RNF115: variants seen among roughly 807,000 people sequenced by gnomAD.
RNF115 encodes the protein E3 ubiquitin-protein ligase RNF115.
In RNF115, 31 loss-of-function variants were observed where a neutral mutation model predicts 39.2. The observed-to-expected ratio is 0.79, with a 90% confidence interval of 0.59 to 1.07. The LOEUF (loss-of-function observed/expected upper bound fraction) is 1.07. RNF115 is among the 50% of genes least tolerant of loss of function. RNF115 has a pLI of 0.00. For missense variants in RNF115, 384 were observed against 381.7 expected (o/e 1.01, Z -0.05); for synonymous variants, 124 against 131.0 (o/e 0.95, Z 0.37).
chr1:145,821,496 G>A (rs1416925463), intron 1 of RNF115, among the ~76,000 whole-genome samples: 1 of 85,760 alleles, frequency 1.2e-5, no homozygotes, highest in African/African-American at 3.4e-5. Flanking sequence ...ACAGGGTCTG[G>A]CTCTATTGCC....
intron 4 of RNF115, among the ~76,000 whole-genome samples, chr1:145,771,046 A>T (rs1647614170): frequency 6.6e-6 from 1 of 152,240 alleles, no homozygotes; most frequent in Admixed American, 6.5e-5. Context: ...CCTAATGCCT[A>T]ATATATTTGA....
chr1:145,771,670 T>C (rs1553715777), intron 4 of RNF115, 41 bp downstream of exon 4: 17 of 1,543,760 alleles, frequency 1.1e-5, no homozygotes, highest in South Asian at 6.8e-5. Flanking sequence ...TTGTCCTTCA[T>C]TGAAACTACC....
chr1:145,812,638 T>C (rs61816210), intron 1 of RNF115, among the ~76,000 whole-genome samples: 315 of 149,616 alleles, frequency 2.1e-3, no homozygotes, highest in African/African-American at 7.2e-3. Context: ...CCAGCCTGGG[T>C]GACAGAGTGA....
Position 145,752,585 on chromosome 1 carries a change from C to CTTTTTTTTTTTTTTTT in RNF115, c.500+377_500+392dup, listed in dbSNP as rs60257682. 7.3e-4 allele frequency among the ~76,000 whole-genome samples: 61 copies of CTTTTTTTTTTTTTTTT among 83,762 alleles called. 9 individuals are homozygous for CTTTTTTTTTTTTTTTT. The highest frequency in any genetic ancestry group is 3.4e-3 in the African/African-American group (59 of 17,418). 55.0% of individuals were successfully genotyped at this position (83,762 alleles called of 152,430 possible). A position where few individuals can be genotyped will look rare whatever the true frequency, so the allele number is the denominator to read the frequency against. On this transcript the variant is annotated intron_variant, in intron 5 of 8. Coordinates refer to ENST00000582693, the MANE Select transcript of RNF115 (RefSeq NM_014455.4). ...CATCTACATACTCACCTATGCAGCT[C>CTTTTTTTTTTTTTTTT]TTTTTTTTTTTTTTTTTTTTTGAGA...
intron 1 of RNF115, among the ~76,000 whole-genome samples, chr1:145,814,368 T>C (rs879999388): frequency 3.3e-5 from 5 of 151,992 alleles, no homozygotes; most frequent in Non-Finnish European, 5.9e-5. Flanking sequence ...TATTGCTCAG[T>C]AGGATGTGAA....
At chr1:145,809,963 ACAT>A (rs1329859860) in intron 1 of RNF115, among the ~76,000 whole-genome samples, 1 of 151,610 alleles carries the variant, frequency 6.6e-6, no homozygotes, top group Non-Finnish European at 1.5e-5. Context: ...GGAAAAGAAA[ACAT>A]CAATAATAAG....
chr1:145,758,709 G>A (rs782252607), intron 4 of RNF115, among the ~76,000 whole-genome samples: 1 of 152,110 alleles, frequency 6.6e-6, no homozygotes, highest in African/African-American at 2.4e-5. Flanking sequence ...TTGGAATTAC[G>A]AGGGACAACT....
At chr1:145,766,408 A>C (rs1647275880) in intron 4 of RNF115, among the ~76,000 whole-genome samples, 1 of 152,170 alleles carries the variant, frequency 6.6e-6, no homozygotes, top group Non-Finnish European at 1.5e-5. Context: ...CTACACAGAC[A>C]CGGCAACCAT....
intron 3 of RNF115, among the ~76,000 whole-genome samples, chr1:145,777,567 T>C (rs192574325): frequency 1.4e-4 from 22 of 151,920 alleles, no homozygotes; most frequent in African/African-American, 5.3e-4. Context: ...AGGATAAAAA[T>C]AGCTTCAGGT....
chr1:145,810,830 G>A (rs587724575), intron 1 of RNF115, among the ~76,000 whole-genome samples: 3 of 145,326 alleles, frequency 2.1e-5, no homozygotes, highest in Non-Finnish European at 3.0e-5. Context: ...TACATTCTAC[G>A]TATAAGCACC....
At chr1:145,761,918 G>T (rs781802884) in intron 4 of RNF115, among the ~76,000 whole-genome samples, 1 of 152,152 alleles carries the variant, frequency 6.6e-6, no homozygotes, top group South Asian at 2.1e-4. Flanking sequence ...CCAAGACCAC[G>T]GGAACCCACC....
At chr1:145,770,565 A>T (rs1553715598) in intron 4 of RNF115, among the ~76,000 whole-genome samples, 1 of 152,220 alleles carries the variant, frequency 6.6e-6, no homozygotes, top group Non-Finnish European at 1.5e-5. Context: ...ATATAGCTAC[A>T]TGTGGCTAGC....
chr1:145,791,720 T>G (rs1648676680), intron 1 of RNF115, among the ~76,000 whole-genome samples: 1 of 152,142 alleles, frequency 6.6e-6, no homozygotes, highest in Non-Finnish European at 1.5e-5. Context: ...TCTATTTCCT[T>G]CAGTAATACA....
chr1:145,785,421 T>G (rs1189215579), intron 2 of RNF115, among the ~76,000 whole-genome samples: 5 of 152,192 alleles, frequency 3.3e-5, no homozygotes, highest in Admixed American at 3.3e-4. Flanking sequence ...ATTAATCACA[T>G]GTGAAAATGA....
chr1:145,760,152 A>G (rs1658444785), intron 4 of RNF115, among the ~76,000 whole-genome samples: 1 of 152,190 alleles, frequency 6.6e-6, no homozygotes, highest in Non-Finnish European at 1.5e-5. Flanking sequence ...GAGACCTCTT[A>G]TGGGGCCAGG....
At chr1:145,814,522 G>A (rs1649892426) in intron 1 of RNF115, among the ~76,000 whole-genome samples, 1 of 151,846 alleles carries the variant, frequency 6.6e-6, no homozygotes, top group African/African-American at 2.4e-5. Context: ...GGCAGAGGAT[G>A]CAGTGAGCCG....
At position 145,746,805 on chromosome 1, in the gene RNF115, T is replaced by A; in HGVS notation, c.*61A>T. 6.5e-7 allele frequency: 1 copy of A among 1,543,096 alleles called. No individual in the cohort carries two copies. The highest frequency in any genetic ancestry group is 8.8e-7 in the Non-Finnish European group (1 of 1,138,468). On this transcript the variant is annotated 3_prime_UTR_variant, in exon 9 of 9. Coordinates refer to ENST00000582693, the MANE Select transcript of RNF115 (RefSeq NM_014455.4). ...TCCATCTACTAATTTTTTGTTTTGA[T>A]ACAATTTACAGCTATGGTAAGATGA...
In RNF115 at chr1:145,748,108, T is replaced by C. The variant is rs1657943243; in HGVS notation, c.670A>G (p.Met224Val). ...TVTVTQEQVD[M>V]GLECPVCKED... is the part of the protein sequence containing the mutation. Reference sequence around the variant, plus strand: ...TTGCATACTGGACACTCTAAACCCATATCTGTTGAAGAAGGAAATGCCTTT... The same window carrying C: ...TTGCATACTGGACACTCTAAACCCACATCTGTTGAAGAAGGAAATGCCTTT... The change falls in exon 8 of 9, where the codon ATG becomes GTG. Residue 224 changes from methionine to valine, a missense_variant and splice_region_variant. Transcript: ENST00000582693. The C allele has an allele frequency of 2.5e-6, 4 of 1,607,108 alleles. No individual in the cohort carries two copies. Among genetic ancestry groups the C allele is most frequent in the Non-Finnish European group, 3.4e-6 (4 of 1,174,246 alleles).
At chr1:145,750,378 T>C (rs782259027) in intron 7 of RNF115, 29 bp downstream of exon 7, 4 of 1,520,778 alleles carry the variant, frequency 2.6e-6, no homozygotes, top group Admixed American at 1.7e-5. Flanking sequence ...GATCAGAAGA[T>C]GACAGAATAA....
Sources: allele counts gnomAD v4.1 joint callset (sites outside exome capture counted in the v4.1 genomes callset), GRCh38; gene constraint gnomAD v4.1.1; transcripts MANE v1.5; gene names NCBI Gene and HGNC (gene_info 2026-07-23, HGNC 2026-07-21).